The following NELL1 variants were observed in gnomAD, a reference collection of about 807,000 sequenced individuals.
NELL1 encodes the protein protein kinase C-binding protein NELL1.
NELL1 carries 76 observed loss-of-function variants against 107.4 expected under a neutral mutation model. The observed-to-expected ratio is 0.71, with a 90% CI of 0.59 to 0.86. The LOEUF (loss-of-function observed/expected upper bound fraction) is 0.86. NELL1 is among the 40% of genes least tolerant of loss of function. NELL1 has a pLI of 0.00. For missense variants in NELL1, 1,024 were observed against 1,005.5 expected, an observed-to-expected ratio of 1.02 and a Z score of -0.25; for synonymous variants, 353 against 341.2, an observed-to-expected ratio of 1.03 and a Z score of -0.38.
intron 14 of NELL1, among the ~76,000 whole-genome samples, chr11:21,300,335 G>A (rs1416107765): frequency 6.6e-6 from 1 of 151,928 alleles, no homozygotes; most frequent in African/African-American, 2.4e-5. Context: ...CAGAGGAGAA[G>A]GAGGAAGGTA....
At chr11:21,432,612 C>T (rs925442730) in intron 15 of NELL1, among the ~76,000 whole-genome samples, 10 of 152,018 alleles carry the variant, frequency 6.6e-5, no homozygotes, top group African/African-American at 2.4e-4. Context: ...TATGGATTGT[C>T]ACGGGATTGG....
At position 20,796,787 on chromosome 11, in the gene NELL1, G is replaced by C. The variant is rs114937924; in HGVS notation, c.335+12957G>C. ...GAGACAGTCAAAGAAACACTGCCAA[G>C]TATTGTTAGTGCCCTGATAGGAGGA... On this transcript the variant is annotated intron_variant, in intron 3 of 19. Coordinates refer to ENST00000357134, the MANE Select transcript of NELL1 (RefSeq NM_006157.5). 5.3e-3 allele frequency among the ~76,000 whole-genome samples: 812 copies of C among 152,292 alleles called. 9 individuals are homozygous for C. The highest frequency in any genetic ancestry group is 0.018 in the African/African-American group (766 of 41,552).
intron 13 of NELL1, among the ~76,000 whole-genome samples, chr11:21,138,598 G>A (rs1182618914): frequency 6.6e-6 from 1 of 152,184 alleles, no homozygotes; most frequent in East Asian, 1.9e-4. Context: ...AAGGCTTCTT[G>A]GGTCATGCTG....
chr11:21,057,861 T>G (rs1853648237), intron 12 of NELL1, among the ~76,000 whole-genome samples: 1 of 152,084 alleles, frequency 6.6e-6, no homozygotes, highest in African/African-American at 2.4e-5. Context: ...AGGAAAAAAT[T>G]AATACTAGAA....
Position 20,677,998 on chromosome 11 carries a change from C to T in NELL1, c.122C>T (p.Thr41Ile). ...GTCACCGAGCTTGACCTTGTGAACA[C>T]CACCCTTGGAGTTGCTCAGGTGTCT... ...DIVTELDLVNTTLGVAQVSGM... is the reference protein window; with the variant it reads ...DIVTELDLVNITLGVAQVSGM... Residue 41 changes from threonine (T) to isoleucine (I), a missense_variant, in exon 2 of 20, where the codon ACC (threonine) becomes ATC (isoleucine). Transcript: ENST00000357134. The T allele has an allele frequency of 6.2e-7, 1 of 1,614,078 alleles. No homozygotes were observed. Among genetic ancestry groups the T allele is most frequent in the Non-Finnish European group, 8.5e-7 (1 of 1,179,966 alleles).
chr11:21,538,076 C>T (rs1856183831), intron 16 of NELL1, among the ~76,000 whole-genome samples: 1 of 152,078 alleles, frequency 6.6e-6, no homozygotes, highest in Non-Finnish European at 1.5e-5. Flanking sequence ...ACCACTAATG[C>T]TTACATTTAA....
chr11:21,315,100 G>A (rs1181627311), intron 14 of NELL1, among the ~76,000 whole-genome samples: 8 of 152,058 alleles, frequency 5.3e-5, no homozygotes, highest in African/African-American at 1.2e-4. Context: ...CAGGTGATCC[G>A]TCTGCCTTGG....
At chr11:21,293,782 G>A (rs1302324676) in intron 14 of NELL1, among the ~76,000 whole-genome samples, 1 of 152,072 alleles carries the variant, frequency 6.6e-6, no homozygotes, top group Non-Finnish European at 1.5e-5. Context: ...CCTTTGCCAG[G>A]ACATGCATAA....
chr11:21,019,193 T>C (rs1392080141), intron 12 of NELL1, among the ~76,000 whole-genome samples: 2 of 152,156 alleles, frequency 1.3e-5, no homozygotes, highest in Non-Finnish European at 2.9e-5. Context: ...TAATTGCTCT[T>C]CTTACCTCCT....
chr11:20,676,952 C>A (rs1854074173), intron 1 of NELL1, among the ~76,000 whole-genome samples: 1 of 152,104 alleles, frequency 6.6e-6, no homozygotes, highest in African/African-American at 2.4e-5. Flanking sequence ...TGATCACTAG[C>A]CTTATTAATA....
rs1279430558 is a variant in NELL1 at position 20,895,226 on chromosome 11, C to T, written c.603+9686C>T. Among the ~76,000 whole-genome samples the T allele has an allele frequency of 1.3e-4, 15 of 111,266 alleles. 1 individual carries two copies. Among genetic ancestry groups the T allele is most frequent in the African/African-American group, 6.3e-4 (15 of 23,996 alleles). 73.0% of individuals were successfully genotyped at this position (111,266 alleles called of 152,430 possible). A position where few individuals can be genotyped will look rare whatever the true frequency, so the allele number is the denominator to read the frequency against. ...GGCGGAGCTTGCAGTGAGCCGAGAT[C>T]CCGCCACTGCACTCCAGCCTGGGCG... On this transcript the variant is annotated intron_variant, in intron 5 of 19. Coordinates refer to ENST00000357134, the MANE Select transcript of NELL1 (RefSeq NM_006157.5).
intron 15 of NELL1, among the ~76,000 whole-genome samples, chr11:21,390,294 G>A (rs1054877328): frequency 1.1e-4 from 16 of 151,062 alleles, no homozygotes; most frequent in African/African-American, 3.6e-4. Context: ...AGTTCTATAA[G>A]ATTGGCTATA....
At chr11:20,925,106 G>C (rs1850465194) in intron 7 of NELL1, among the ~76,000 whole-genome samples, 1 of 152,132 alleles carries the variant, frequency 6.6e-6, no homozygotes, top group African/African-American at 2.4e-5. Flanking sequence ...TAAAGGACTT[G>C]AAGATTTTCA....
chr11:20,904,599 T>C (rs1849952604), intron 5 of NELL1, among the ~76,000 whole-genome samples: 1 of 152,062 alleles, frequency 6.6e-6, no homozygotes, highest in Non-Finnish European at 1.5e-5. Flanking sequence ...TAGAAAGCCA[T>C]ATGCATGCCT....
chr11:21,211,950 T>C (rs1791859), intron 13 of NELL1, among the ~76,000 whole-genome samples: 140,331 of 152,146 alleles, frequency 0.92, 64,770 homozygotes, highest in Non-Finnish European at 0.94. Flanking sequence ...CTCAGCTTCC[T>C]GAGTAGCTGA....
intron 12 of NELL1, among the ~76,000 whole-genome samples, chr11:20,977,099 A>AT (rs1235489632): frequency 2.6e-5 from 4 of 152,016 alleles, no homozygotes; most frequent in Admixed American, 2.6e-4. Context: ...AAATATTTGT[A>AT]TAAGGCATTT....
At chr11:21,051,443 C>T (rs761505183) in intron 12 of NELL1, among the ~76,000 whole-genome samples, 16 of 151,822 alleles carry the variant, frequency 1.1e-4, no homozygotes, top group Admixed American at 3.3e-4. Flanking sequence ...GTACACTGCT[C>T]GGGTGATATG....
intron 3 of NELL1, among the ~76,000 whole-genome samples, chr11:20,815,268 T>C (rs1857599576): frequency 6.6e-6 from 1 of 152,086 alleles, no homozygotes; most frequent in Non-Finnish European, 1.5e-5. Flanking sequence ...TTTTGTAGTT[T>C]TAGTAGAGAC....
intron 15 of NELL1, among the ~76,000 whole-genome samples, chr11:21,499,453 T>G (rs1438531679): frequency 6.6e-6 from 1 of 152,140 alleles, no homozygotes; most frequent in Admixed American, 6.6e-5. Flanking sequence ...ATTTACTATA[T>G]TTTTGAAAAA....
Sources: allele counts gnomAD v4.1 joint callset (sites outside exome capture counted in the v4.1 genomes callset), GRCh38; gene constraint gnomAD v4.1.1; transcripts MANE v1.5; gene names NCBI Gene and HGNC (gene_info 2026-07-23, HGNC 2026-07-21).